The following NFIA variants were observed in gnomAD, a reference collection of about 807,000 sequenced individuals.
The protein encoded by NFIA is nuclear factor 1 A-type.
NFIA carries 8 observed loss-of-function variants against 62.8 expected under a neutral mutation model. The observed-to-expected ratio is 0.13, with a 90% CI of 0.07 to 0.23. The LOEUF (loss-of-function observed/expected upper bound fraction) is 0.23. Ranked by LOEUF, NFIA falls within the 10% of genes least tolerant of loss-of-function variation. The pLI is 1.00. For synonymous variants in NFIA, 235 were observed against 238.1 expected (o/e 0.99, Z 0.12); for missense variants, 410 against 642.1 (o/e 0.64, Z 3.91).
intron 3 of NFIA, among the ~76,000 whole-genome samples, chr1:61,329,941 C>T (rs1661201846): frequency 6.6e-6 from 1 of 152,108 alleles, no homozygotes; most frequent in African/African-American, 2.4e-5. Context: ...GCCACAGTCG[C>T]AGGAGGGTGA....
At chr1:61,220,496 G>A (rs1330389282) in intron 2 of NFIA, among the ~76,000 whole-genome samples, 1 of 152,170 alleles carries the variant, frequency 6.6e-6, no homozygotes, top group East Asian at 1.9e-4. Flanking sequence ...ATTAAGTGAA[G>A]TTTGTCAGTA....
intron 2 of NFIA, among the ~76,000 whole-genome samples, chr1:61,166,641 T>C (rs930118140): frequency 1.3e-5 from 2 of 152,172 alleles, no homozygotes; most frequent in East Asian, 3.9e-4. Flanking sequence ...TATATGATAA[T>C]GTACTTAGTG....
chr1:61,277,710 C>T (rs1453597128), intron 3 of NFIA, 125 bp downstream of exon 3: 10 of 863,124 alleles, frequency 1.2e-5, no homozygotes, highest in East Asian at 8.0e-5. Context: ...TCCAAAGACT[C>T]GGAAAAACTC....
intron 2 of NFIA, among the ~76,000 whole-genome samples, chr1:61,257,790 G>A (rs926129387): frequency 6.6e-6 from 1 of 151,356 alleles, no homozygotes; most frequent in Non-Finnish European, 1.5e-5. Flanking sequence ...GCTCAGCATA[G>A]CCTCAAACTC....
intron 6 of NFIA, among the ~76,000 whole-genome samples, chr1:61,374,937 G>T (rs375922222): frequency 3.9e-5 from 6 of 152,236 alleles, no homozygotes; most frequent in Non-Finnish European, 8.8e-5. Flanking sequence ...AATTATATTA[G>T]AATGAACTCT....
rs1417900101 is a variant in NFIA, at chr1:61,112,985, G to A, written c.559+24305G>A. 2.0e-5 allele frequency among the ~76,000 whole-genome samples: 3 copies of A among 152,028 alleles called. No individual in the cohort carries two copies. In the East Asian group the frequency reaches 5.8e-4, roughly 29 times the overall value. ...CTTCATTTATAATAGTATTTCTAGT[G>A]TTTCATTAGCCCTAAAAATGTGATA... On this transcript the variant is annotated intron_variant, in intron 2 of 10. Coordinates refer to ENST00000403491, the MANE Select transcript of NFIA (RefSeq NM_001134673.4).
intron 2 of NFIA, among the ~76,000 whole-genome samples, chr1:61,112,087 T>A (rs1294568876): frequency 6.6e-6 from 1 of 150,998 alleles, no homozygotes; most frequent in Non-Finnish European, 1.5e-5. Context: ...CAAAGAATTG[T>A]CTAAGAAGCT....
At chr1:61,372,754 TCATA>T (rs1458643514) in intron 6 of NFIA, among the ~76,000 whole-genome samples, 2 of 152,152 alleles carry the variant, frequency 1.3e-5, no homozygotes, top group Non-Finnish European at 2.9e-5. Flanking sequence ...GGTAAGTGGT[TCATA>T]CATTTTGTTT....
intron 3 of NFIA, among the ~76,000 whole-genome samples, chr1:61,278,037 G>T (rs745819862): frequency 2.6e-5 from 3 of 114,216 alleles, no homozygotes; most frequent in African/African-American, 4.6e-5. Context: ...TCAACACTTT[G>T]CCAATTCCTT....
intron 2 of NFIA, among the ~76,000 whole-genome samples, chr1:61,099,343 A>G (rs576165799): frequency 1.3e-5 from 2 of 152,316 alleles, no homozygotes; most frequent in African/African-American, 4.8e-5. Context: ...ACATAGATTC[A>G]TATTTTTGGG....
chr1:61,348,407 A>T (rs1348144108), intron 4 of NFIA, among the ~76,000 whole-genome samples: 1 of 152,242 alleles, frequency 6.6e-6, no homozygotes, highest in Non-Finnish European at 1.5e-5. Flanking sequence ...CAAGACACAC[A>T]TAACCAGTTT....
intron 4 of NFIA, among the ~76,000 whole-genome samples, chr1:61,341,506 TCTCA>T (rs1397546805): frequency 1.3e-5 from 2 of 152,110 alleles, no homozygotes; most frequent in African/African-American, 4.8e-5. Context: ...TGAGACAGAG[TCTCA>T]CTCTGTTGTC....
intron 9 of NFIA, among the ~76,000 whole-genome samples, chr1:61,423,147 CA>C (rs1384939605): frequency 6.6e-6 from 1 of 151,360 alleles, no homozygotes; most frequent in Non-Finnish European, 1.5e-5. Flanking sequence ...CAGATTAGTG[CA>C]AATGAGATCT....
chr1:61,188,987 A>AT (rs1651410617), intron 2 of NFIA, among the ~76,000 whole-genome samples: 1 of 152,218 alleles, frequency 6.6e-6, no homozygotes. Flanking sequence ...CATGATTTAT[A>AT]TAAAAAATGG....
At chr1:61,451,777 C>T (rs886372840) in intron 10 of NFIA, among the ~76,000 whole-genome samples, 1 of 152,108 alleles carries the variant, frequency 6.6e-6, no homozygotes, top group African/African-American at 2.4e-5. Context: ...CCACTCACTG[C>T]ACATAGGGAG....
At chr1:61,280,518 A>G (rs1315490801) in intron 3 of NFIA, among the ~76,000 whole-genome samples, 1 of 152,236 alleles carries the variant, frequency 6.6e-6, no homozygotes, top group African/African-American at 2.4e-5. Flanking sequence ...CTCTTGAGAA[A>G]GGTAATGGGA....
intron 3 of NFIA, among the ~76,000 whole-genome samples, chr1:61,302,888 A>G (rs1659564965): frequency 6.6e-6 from 1 of 152,168 alleles, no homozygotes; most frequent in African/African-American, 2.4e-5. Context: ...TAATTTCAGC[A>G]TAGGAAAATT....
chr1:61,200,089 T>G (rs1652368077), intron 2 of NFIA, among the ~76,000 whole-genome samples: 1 of 135,868 alleles, frequency 7.4e-6, no homozygotes, highest in African/African-American at 2.7e-5. Flanking sequence ...GAGCTAGAAT[T>G]ATGCAATTCC....
chr1:61,110,870 T>G (rs1646683709), intron 2 of NFIA, among the ~76,000 whole-genome samples: 1 of 152,086 alleles, frequency 6.6e-6, no homozygotes, highest in Non-Finnish European at 1.5e-5. Flanking sequence ...GATTGTCACT[T>G]TAAGAAGAAA....
Sources: allele counts gnomAD v4.1 joint callset (sites outside exome capture counted in the v4.1 genomes callset), GRCh38; gene constraint gnomAD v4.1.1; transcripts MANE v1.5; gene names NCBI Gene and HGNC (gene_info 2026-07-23, HGNC 2026-07-21).